Variants in CNTN5 observed in about 807,000 individuals in gnomAD.
CNTN5 encodes contactin-5.
A neutral mutation model predicts 129.1 loss-of-function variants in CNTN5; 77 were observed. The observed-to-expected ratio is 0.60, with a 90% CI of 0.50 to 0.72. CNTN5 has a LOEUF of 0.72. Among genes scored for constraint, CNTN5 ranks in the 30% least tolerant of loss-of-function variants. The probability of loss-of-function intolerance (pLI) is 0.00; values close to 1 mark genes in which losing one functional copy is unlikely to be tolerated. For synonymous variants in CNTN5, 509 were observed against 465.6 expected (o/e 1.09, Z -1.20); for missense variants, 1,478 against 1,328.8 (o/e 1.11, Z -1.75).
chr11:99,964,155 C>T (rs1037646015), intron 8 of CNTN5, among the ~76,000 whole-genome samples: 1 of 152,016 alleles, frequency 6.6e-6, no homozygotes, highest in Non-Finnish European at 1.5e-5. Flanking sequence ...CCTTTATTTC[C>T]TTCTCCTGCC....
intron 2 of CNTN5, among the ~76,000 whole-genome samples, chr11:99,493,771 T>C (rs1591159350): frequency 6.6e-6 from 1 of 152,194 alleles, no homozygotes; most frequent in Non-Finnish European, 1.5e-5. Context: ...GGTCCATGTA[T>C]TTTTTAACAA....
intron 23 of CNTN5, among the ~76,000 whole-genome samples, chr11:100,348,283 G>A (rs1453986174): frequency 6.6e-6 from 1 of 151,902 alleles, no homozygotes; most frequent in East Asian, 1.9e-4. Context: ...TTTAAAATGA[G>A]CCAACATTCT....
At chr11:100,253,139 G>A (rs1457892130) in intron 16 of CNTN5, among the ~76,000 whole-genome samples, 1 of 144,008 alleles carries the variant, frequency 6.9e-6, no homozygotes, top group Non-Finnish European at 1.5e-5. Context: ...AAGTGTGGCT[G>A]TATGTGTTCC....
At chr11:99,258,904 A>G (rs558906082) in intron 1 of CNTN5, among the ~76,000 whole-genome samples, 2 of 152,044 alleles carry the variant, frequency 1.3e-5, no homozygotes, top group African/African-American at 4.8e-5. Flanking sequence ...AGATTTTAAA[A>G]TTACTCATAT....
chr11:99,498,419 C>T (rs1307646324), intron 2 of CNTN5, among the ~76,000 whole-genome samples: 1 of 152,002 alleles, frequency 6.6e-6, no homozygotes, highest in Non-Finnish European at 1.5e-5. Context: ...TAATTGTTTC[C>T]AACTAATTTT....
At chr11:99,804,231 A>G (rs1049501232) in intron 3 of CNTN5, among the ~76,000 whole-genome samples, 1 of 152,070 alleles carries the variant, frequency 6.6e-6, no homozygotes, top group Non-Finnish European at 1.5e-5. Context: ...ATTTGGAAAA[A>G]GTTACTTGAT....
At chr11:99,503,904 A>C (rs2135390184) in intron 2 of CNTN5, among the ~76,000 whole-genome samples, 1 of 152,338 alleles carries the variant, frequency 6.6e-6, no homozygotes, top group South Asian at 2.1e-4. Flanking sequence ...GAGTTAAATT[A>C]GCAAGATACA....
intron 13 of CNTN5, among the ~76,000 whole-genome samples, chr11:100,128,765 G>T (rs148729293): frequency 9.3e-4 from 141 of 152,020 alleles, no homozygotes; most frequent in African/African-American, 3.1e-3. Context: ...CCTTTTATGT[G>T]CTACTACATC....
At chr11:99,790,920 A>G (rs1372637138) in intron 3 of CNTN5, among the ~76,000 whole-genome samples, 1 of 152,044 alleles carries the variant, frequency 6.6e-6, no homozygotes. Context: ...GTAATATTGA[A>G]CAGTTTAATA....
intron 1 of CNTN5, among the ~76,000 whole-genome samples, chr11:99,044,136 C>T (rs1864110987): frequency 6.6e-6 from 1 of 152,094 alleles, no homozygotes; most frequent in Non-Finnish European, 1.5e-5. Flanking sequence ...AGATATTGCA[C>T]ATAAAAGATT....
intron 7 of CNTN5, among the ~76,000 whole-genome samples, chr11:99,953,868 C>T (rs1565715391): frequency 6.6e-6 from 1 of 152,062 alleles, no homozygotes. Context: ...AAACATTGAT[C>T]CTTTTGTTGC....
At chr11:99,282,323 G>A (rs184989666) in intron 1 of CNTN5, among the ~76,000 whole-genome samples, 1 of 152,070 alleles carries the variant, frequency 6.6e-6, no homozygotes, top group African/African-American at 2.4e-5. Flanking sequence ...GCCATGCTGA[G>A]TACTACGGTA....
intron 2 of CNTN5, among the ~76,000 whole-genome samples, chr11:99,449,779 C>G (rs946424155): frequency 2.0e-5 from 3 of 152,142 alleles, no homozygotes; most frequent in Non-Finnish European, 2.9e-5. Flanking sequence ...TCTCAGAAGA[C>G]AATTCCCCAA....
At chr11:99,618,009 A>G (rs542180137) in intron 3 of CNTN5, among the ~76,000 whole-genome samples, 1 of 152,310 alleles carries the variant, frequency 6.6e-6, no homozygotes, top group African/African-American at 2.4e-5. Flanking sequence ...ATAGAACTTT[A>G]ATGAAGGAGT....
At chr11:99,986,522 G>A (rs1286374117) in intron 8 of CNTN5, among the ~76,000 whole-genome samples, 1 of 152,054 alleles carries the variant, frequency 6.6e-6, no homozygotes, top group Admixed American at 6.6e-5. Flanking sequence ...ACATCAAGAA[G>A]TTGTCATCTG....
intron 8 of CNTN5, among the ~76,000 whole-genome samples, chr11:99,964,001 C>T (rs552391707): frequency 2.6e-5 from 4 of 152,096 alleles, no homozygotes; most frequent in Admixed American, 6.6e-5. Flanking sequence ...TTTTTGCACA[C>T]TGATTTTGTA....
At chr11:100,017,482 T>A (rs1940889962) in intron 9 of CNTN5, among the ~76,000 whole-genome samples, 1 of 152,008 alleles carries the variant, frequency 6.6e-6, no homozygotes, top group Admixed American at 6.6e-5. Context: ...TGGTGTGTCT[T>A]ACAGTCAAAG....
intron 13 of CNTN5, among the ~76,000 whole-genome samples, chr11:100,140,573 A>G (rs1176668666): frequency 6.6e-6 from 1 of 152,082 alleles, no homozygotes; most frequent in African/African-American, 2.4e-5. Context: ...TGCAATTGAG[A>G]TTATCAGGGG....
intron 2 of CNTN5, among the ~76,000 whole-genome samples, chr11:99,333,972 TCACACA>T (rs3990852): frequency 0.033 from 4,850 of 148,778 alleles, 114 homozygotes; most frequent in Middle Eastern, 0.072. Context: ...TCTCTCTCTC[TCACACA>T]CACACACACA....
Sources: allele counts gnomAD v4.1 joint callset (sites outside exome capture counted in the v4.1 genomes callset), GRCh38; gene constraint gnomAD v4.1.1; transcripts MANE v1.5; gene names NCBI Gene and HGNC (gene_info 2026-07-23, HGNC 2026-07-21).